The following MED13L variants were observed in gnomAD, a reference collection of about 807,000 sequenced individuals.
MED13L encodes mediator of RNA polymerase II transcription subunit 13-like.
Under a neutral mutation model 220.9 loss-of-function variants are expected in MED13L, and 7 were observed. That is an observed-to-expected ratio of 0.03 (90% CI 0.02 to 0.06). MED13L has a LOEUF of 0.06. Among genes scored for constraint, MED13L ranks in the 10% least tolerant of loss-of-function variants. The probability of loss-of-function intolerance (pLI) is 1.00; values close to 1 mark genes in which losing one functional copy is unlikely to be tolerated. For synonymous variants in MED13L, 1,011 were observed against 1,015.2 expected, an observed-to-expected ratio of 1.00 and a Z score of 0.08; for missense variants, 1,965 against 2,760.5, an observed-to-expected ratio of 0.71 and a Z score of 6.46.
chr12:115,976,222 G>A (rs1353766769), intron 23 of MED13L, among the ~76,000 whole-genome samples: 1 of 152,132 alleles, frequency 6.6e-6, no homozygotes, highest in East Asian at 1.9e-4. Flanking sequence ...GAATATTCAC[G>A]ATAGTATTAA....
chr12:116,044,762 T>C (rs1333856646), intron 4 of MED13L, among the ~76,000 whole-genome samples: 3 of 152,224 alleles, frequency 2.0e-5, no homozygotes, highest in Non-Finnish European at 4.4e-5. Context: ...TGTTTCTTTT[T>C]TAAGCCTCAG....
intron 2 of MED13L, among the ~76,000 whole-genome samples, chr12:116,169,872 C>T (rs910433437): frequency 6.6e-6 from 1 of 152,086 alleles, no homozygotes; most frequent in Non-Finnish European, 1.5e-5. Context: ...CAAAAATCAC[C>T]AGGGCGTGTG....
Position 115,987,216 on chromosome 12 carries a change from T to C in MED13L, c.4007A>G (p.Asp1336Gly). 6.2e-7 allele frequency: 1 copy of C among 1,614,028 alleles called. No homozygotes were observed. Among genetic ancestry groups the C allele is most frequent in the Non-Finnish European group, 8.5e-7 (1 of 1,180,008 alleles). ...MLLSLQPFLQ[D>G]AIQKKRTGRT... ...GCCCGTGCGCTTCTTTTGGATGGCATCTTGGAGAAAGGGCTGCAGGGACAA... is the reference window on the plus strand; with the variant it reads ...GCCCGTGCGCTTCTTTTGGATGGCACCTTGGAGAAAGGGCTGCAGGGACAA... Residue 1336 changes from aspartate (D) to glycine (G), a missense_variant, in exon 18 of 31, where the codon GAT becomes GGT. Transcript: ENST00000281928.
In MED13L at chr12:116,277,330, G is replaced by GC. The variant is rs1873958409; in HGVS notation, c.-200dup. 1 of 262 alleles carries GC rather than the reference G, an allele frequency of 3.8e-3. No homozygotes were observed. Among genetic ancestry groups the GC allele is most frequent in the Non-Finnish European group, 8.5e-3 (1 of 118 alleles). The allele number at this position is 262 out of a possible 1,614,324, so 0.0% of individuals were successfully genotyped here. ...CGCCGGGGGCAGCGGGCCCGGGCTG[G>GC]CGGGGGGGGCGCGCGCCCCGGGCCG... On this transcript the variant is annotated 5_prime_UTR_variant, in exon 1 of 31. Transcript: ENST00000281928.
intron 4 of MED13L, among the ~76,000 whole-genome samples, chr12:116,066,437 C>A (rs1415847880): frequency 6.6e-6 from 1 of 152,122 alleles, no homozygotes; most frequent in Non-Finnish European, 1.5e-5. Context: ...AAACTGGACT[C>A]ACATCTTTAG....
chr12:116,230,720 TGTCAATTTATATATAAAATA>T (rs1418557491), intron 2 of MED13L, among the ~76,000 whole-genome samples: 1 of 152,204 alleles, frequency 6.6e-6, no homozygotes, highest in Non-Finnish European at 1.5e-5. Flanking sequence ...ATCTTATTCC[TGTCAATTTATATATAAAATA>T]GTCATTACTT....
At chr12:115,990,292 T>C (rs1199917697) in intron 17 of MED13L, among the ~76,000 whole-genome samples, 1 of 152,252 alleles carries the variant, frequency 6.6e-6, no homozygotes, top group African/African-American at 2.4e-5. Context: ...CCCATGCTTT[T>C]ATCACTTATA....
chr12:116,004,245 T>C (rs1162149287), intron 13 of MED13L, among the ~76,000 whole-genome samples: 1 of 152,120 alleles, frequency 6.6e-6, no homozygotes, highest in Non-Finnish European at 1.5e-5. Flanking sequence ...CCAAAGCACC[T>C]ATCCTAACCC....
At chr12:115,984,699 C>T (rs1273806115) in intron 19 of MED13L, among the ~76,000 whole-genome samples, 1 of 152,104 alleles carries the variant, frequency 6.6e-6, no homozygotes, top group East Asian at 1.9e-4. Flanking sequence ...AGATTCCTGC[C>T]TACTGTTGCT....
Position 115,975,330 on chromosome 12 carries a change from T to TGGGGAA in MED13L, c.5589-23_5589-18dup, listed in dbSNP as rs950387382. ...CTCCGTGACCTAACAAATAAAGAAA[T>TGGGGAA]GGGGAAGGGGAAGGGGTCCCTAGAT... On this transcript the variant is annotated splice_polypyrimidine_tract_variant and intron_variant, in intron 24 of 30. Transcript: ENST00000281928. 7 of 1,613,940 alleles carry TGGGGAA rather than the reference T, an allele frequency of 4.3e-6. No individual in the cohort carries two copies. In the Admixed American group the frequency reaches 8.3e-5, roughly 19 times the overall value.
intron 2 of MED13L, among the ~76,000 whole-genome samples, chr12:116,180,129 A>T (rs1452850108): frequency 6.6e-6 from 1 of 152,212 alleles, no homozygotes; most frequent in Non-Finnish European, 1.5e-5. Flanking sequence ...GCTCGACGAC[A>T]CTGTCTTGGT....
chr12:116,222,456 G>A (rs1017116794), intron 2 of MED13L, among the ~76,000 whole-genome samples: 2 of 152,168 alleles, frequency 1.3e-5, no homozygotes, highest in Non-Finnish European at 2.9e-5. Flanking sequence ...GTGAATAGAA[G>A]GGAGTAATCC....
chr12:116,005,448 T>C (rs957042925), intron 13 of MED13L, among the ~76,000 whole-genome samples: 1 of 152,240 alleles, frequency 6.6e-6, no homozygotes, highest in Non-Finnish European at 1.5e-5. Flanking sequence ...CATATTTGCA[T>C]ACCTAACCTC....
chr12:116,166,607 C>T (rs965760534), intron 2 of MED13L, among the ~76,000 whole-genome samples: 2 of 152,124 alleles, frequency 1.3e-5, no homozygotes, highest in South Asian at 4.1e-4. Flanking sequence ...AATAAACAAA[C>T]CATTTTTCTG....
intron 21 of MED13L, 130 bp from the exon 22 acceptor site, chr12:115,982,733 A>G (rs764686556): frequency 4.6e-4 from 415 of 896,886 alleles, no homozygotes; most frequent in Middle Eastern, 9.2e-4. Context: ...TAAGAGTAAC[A>G]TTTATCACCT....
In MED13L at chr12:116,066,788, C is replaced by T. The variant is rs568034439; in HGVS notation, c.479+29881G>A. ...AAAAAAAAAAACTCTAGAGCAAAAG[C>T]GCATCAACTCTACCGGCTACCAACA... On this transcript the variant is annotated intron_variant, in intron 4 of 30. Transcript: ENST00000281928. Among the ~76,000 whole-genome samples the T allele has an allele frequency of 7.2e-5, 11 of 151,804 alleles. 3 individuals carry two copies. Among genetic ancestry groups the T allele is most frequent in the South Asian group, 6.3e-4 (3 of 4,788 alleles).
chr12:116,115,175 T>A (rs980976757), intron 2 of MED13L, among the ~76,000 whole-genome samples: 1 of 152,078 alleles, frequency 6.6e-6, no homozygotes, highest in African/African-American at 2.4e-5. Flanking sequence ...TGAATTAGGA[T>A]AGAGCAAGCA....
intron 23 of MED13L, among the ~76,000 whole-genome samples, chr12:115,977,916 G>C (rs1877048160): frequency 6.6e-6 from 1 of 152,070 alleles, no homozygotes; most frequent in Non-Finnish European, 1.5e-5. Flanking sequence ...GATCACTTAA[G>C]CCCAGGGAGG....
rs1876485511 is a variant in MED13L, at chr12:115,970,205, G to T, written c.6067+389C>A. Among the ~76,000 whole-genome samples the T allele has an allele frequency of 2.6e-5, 4 of 152,138 alleles. No individual in the cohort carries two copies. The South Asian group carries it at 8.3e-4, about 32-fold the overall frequency. On this transcript the variant is annotated intron_variant, in intron 27 of 30. Coordinates refer to ENST00000281928, the MANE Select transcript of MED13L (RefSeq NM_015335.5). ...ATAATCAAATAAGGGTTTCTCTATA[G>T]CAAATTAGATTGCCATAGACTAGCT... is the stretch of plus-strand genomic sequence containing the variant.
Sources: gnomAD v4.1 joint callset for allele counts (sites outside exome capture counted in the v4.1 genomes callset) on GRCh38, gnomAD v4.1.1 for gene constraint, MANE v1.5 for transcripts, NCBI Gene and HGNC (gene_info 2026-07-23, HGNC 2026-07-21) for gene names.